The following SNX30 variants were observed in gnomAD, a reference collection of about 807,000 sequenced individuals.
SNX30 encodes the protein sorting nexin family member 30.
SNX30 carries 24 observed loss-of-function variants against 46.4 expected under a neutral mutation model. That is an observed-to-expected ratio of 0.52 (90% CI 0.37 to 0.73). The LOEUF (loss-of-function observed/expected upper bound fraction) is 0.73, where lower values mean the gene tolerates loss of function less well. SNX30 is among the 30% of genes least tolerant of loss of function. The pLI, the probability that SNX30 is intolerant of heterozygous loss-of-function variation, is 0.00. For synonymous variants in SNX30, 189 were observed against 211.5 expected (o/e 0.89, Z 0.92); for missense variants, 533 against 555.7 (o/e 0.96, Z 0.41).
intron 6 of SNX30, among the ~76,000 whole-genome samples, chr9:112,844,431 G>A (rs1436075588): frequency 6.6e-6 from 1 of 152,170 alleles, no homozygotes; most frequent in East Asian, 1.9e-4. Context: ...TATGAATGGT[G>A]TTTAAATCTC....
At chr9:112,780,526 T>C (rs1839829144) in intron 1 of SNX30, among the ~76,000 whole-genome samples, 1 of 152,218 alleles carries the variant, frequency 6.6e-6, no homozygotes, top group Admixed American at 6.5e-5. Context: ...CTAAGCCTTC[T>C]ATTTGCACTT....
At chr9:112,795,829 A>T (rs1227200425) in intron 1 of SNX30, among the ~76,000 whole-genome samples, 1 of 151,880 alleles carries the variant, frequency 6.6e-6, no homozygotes, top group Non-Finnish European at 1.5e-5. Flanking sequence ...AGTTGCAGTC[A>T]CTGGGGACTT....
At chr9:112,879,615 A>G (rs1427668365), downstream of SNX30, 23 of 664,212 alleles carry the variant, frequency 3.5e-5, no homozygotes. Context: ...TCCCTGAGCC[A>G]GAGCAGGTCA....
Position 112,836,276 on chromosome 9 carries a change from G to T in SNX30, c.681G>T (p.Lys227Asn), listed in dbSNP as rs1336369241. The T allele has an allele frequency of 6.2e-7, 1 of 1,612,968 alleles. No individual in the cohort carries two copies. Among genetic ancestry groups the T allele is most frequent in the Non-Finnish European group, 8.5e-7 (1 of 1,178,950 alleles). The change falls in exon 5 of 9, where the codon AAG (lysine) becomes AAT (asparagine). Residue 227 changes from lysine (K) to asparagine (N), a missense_variant. Physicochemically the swap from Lys to Asn is moderately conservative, Grantham distance 94. Transcript: ENST00000374232. The part of the protein sequence containing the change: ...ALLTRMGESV[K>N]HVTGGYKLRT... Reference sequence around the variant, plus strand: ...TGACCAGAATGGGCGAGTCAGTCAAGCACGTCACTGGCGGCTACAAGCTGA... The same window carrying T: ...TGACCAGAATGGGCGAGTCAGTCAATCACGTCACTGGCGGCTACAAGCTGA...
At chr9:112,834,883 C>CT (rs1840727674) in intron 4 of SNX30, among the ~76,000 whole-genome samples, 2 of 66,430 alleles carry the variant, frequency 3.0e-5, no homozygotes, top group Non-Finnish European at 5.9e-5. Flanking sequence ...CACACACACA[C>CT]CTACCTCAAT....
At chr9:112,885,440 G>GTATATATATATATATATATGTGTA (rs10664207), downstream of SNX30, 1 of 147,498 alleles carries the variant, frequency 6.8e-6, no homozygotes, top group Non-Finnish European at 1.5e-5. Context: ...ATATATATGT[G>GTATATATATATATATATATGTGTA]TATATATATA....
At chr9:112,767,009 T>C (rs1846541134) in intron 1 of SNX30, among the ~76,000 whole-genome samples, 1 of 152,208 alleles carries the variant, frequency 6.6e-6, no homozygotes, top group African/African-American at 2.4e-5. Flanking sequence ...CTGTTTTTAA[T>C]TTTTTGAGGA....
chr9:112,828,937 G>T (rs1840618015), intron 3 of SNX30, among the ~76,000 whole-genome samples: 1 of 151,976 alleles, frequency 6.6e-6, no homozygotes, highest in East Asian at 1.9e-4. Flanking sequence ...TCCAGCCCCT[G>T]GCAACCACCA....
intron 5 of SNX30, 126 bp downstream of exon 5, chr9:112,836,535 T>A: frequency 9.6e-7 from 1 of 1,036,838 alleles, no homozygotes; most frequent in Non-Finnish European, 1.4e-6. Context: ...CTTTTGCTTA[T>A]CAAAGAAATA....
At chr9:112,817,952 A>G (rs1039716998) in intron 3 of SNX30, 137 bp downstream of exon 3, 6 of 600,306 alleles carry the variant, frequency 1.0e-5, no homozygotes, top group Admixed American at 8.4e-5. Flanking sequence ...CGGACACTGT[A>G]TACAATACTT....
At chr9:112,815,804 C>T (rs1272815216) in intron 2 of SNX30, among the ~76,000 whole-genome samples, 1 of 152,170 alleles carries the variant, frequency 6.6e-6, no homozygotes, top group Non-Finnish European at 1.5e-5. Flanking sequence ...CACATGGAGC[C>T]TATCGGGGGG....
intron 1 of SNX30, among the ~76,000 whole-genome samples, chr9:112,796,391 T>C (rs1840107591): frequency 6.6e-6 from 1 of 152,218 alleles, no homozygotes. Context: ...GAGAAGATGT[T>C]GTCCCCCTAC....
At chr9:112,767,290 G>A (rs894988046) in intron 1 of SNX30, among the ~76,000 whole-genome samples, 1 of 152,046 alleles carries the variant, frequency 6.6e-6, no homozygotes, top group Non-Finnish European at 1.5e-5. Context: ...TTTTAAAATT[G>A]GGTCTTTTAA....
chr9:112,780,895 G>A lies in SNX30; in HGVS notation c.157-23881G>A, dbSNP rs1056269642. 1.4e-4 allele frequency among the ~76,000 whole-genome samples: 21 copies of A among 152,260 alleles called. No individual in the cohort carries two copies. The East Asian group carries it at 2.1e-3, about 15-fold the overall frequency. On this transcript the variant is annotated intron_variant, in intron 1 of 8. Transcript: ENST00000374232. ...TGTCCCCGGCTTAGACATTGATGACGCTTAGCCATGGCTGAAAATTGAAGG... is the reference window on the plus strand; with the variant it reads ...TGTCCCCGGCTTAGACATTGATGACACTTAGCCATGGCTGAAAATTGAAGG...
intron 2 of SNX30, among the ~76,000 whole-genome samples, chr9:112,811,386 G>A (rs1210957993): frequency 1.3e-5 from 2 of 152,202 alleles, no homozygotes; most frequent in Non-Finnish European, 2.9e-5. Flanking sequence ...TGGATCAAAT[G>A]GACGTTCTTC....
intron 1 of SNX30, among the ~76,000 whole-genome samples, chr9:112,753,386 T>C (rs913557842): frequency 6.6e-6 from 1 of 152,104 alleles, no homozygotes; most frequent in African/African-American, 2.4e-5. Flanking sequence ...AATTATTGAA[T>C]ATATATGTAT....
chr9:112,863,236 C>G (rs997106990), intron 7 of SNX30, among the ~76,000 whole-genome samples: 3 of 152,162 alleles, frequency 2.0e-5, no homozygotes, highest in Admixed American at 6.5e-5. Context: ...CAGGGGTGAG[C>G]CATGGCTTGG....
chr9:112,769,432 T>C (rs1839609386), intron 1 of SNX30, among the ~76,000 whole-genome samples: 1 of 151,902 alleles, frequency 6.6e-6, no homozygotes, highest in Non-Finnish European at 1.5e-5. Flanking sequence ...ATGCCAGGAG[T>C]CTCCACTACT....
Position 112,778,729 on chromosome 9 carries a change from A to G in SNX30, c.157-26047A>G, listed in dbSNP as rs367622851. Among the ~76,000 whole-genome samples the G allele has an allele frequency of 6.3e-3, 967 of 152,310 alleles. 10 individuals carry two copies. Among genetic ancestry groups the G allele is most frequent in the African/African-American group, 0.018 (759 of 41,558 alleles). On this transcript the variant is annotated intron_variant, in intron 1 of 8. Coordinates refer to ENST00000374232, the MANE Select transcript of SNX30 (RefSeq NM_001012994.2). The stretch of plus-strand genomic sequence containing the variant: ...TTAGGACCTTCCTTTGAAAAATACC[A>G]ACTGCCACAGATACCATGCTGGAGA...
Sources: gnomAD v4.1 joint callset for allele counts (sites outside exome capture counted in the v4.1 genomes callset) on GRCh38, gnomAD v4.1.1 for gene constraint, MANE v1.5 for transcripts, NCBI Gene and HGNC (gene_info 2026-07-23, HGNC 2026-07-21) for gene names.